FAM174C: variants seen among roughly 807,000 people sequenced by gnomAD.
FAM174C encodes the protein family with sequence similarity 174 member C.
FAM174C carries 19 observed loss-of-function variants against 12.3 expected under a neutral mutation model. The ratio of observed to expected loss-of-function variants is 1.55; its 90% CI spans 1.08 to 2.27. FAM174C has a LOEUF of 2.27. FAM174C is among the 30% of genes most tolerant of loss of function. The probability of loss-of-function intolerance (pLI) is 0.00; values close to 1 mark genes in which losing one functional copy is unlikely to be tolerated. For synonymous variants in FAM174C, 147 were observed against 103.5 expected (o/e 1.42, Z -2.55); for missense variants, 239 against 190.2 (o/e 1.26, Z -1.51).
chr19:1,275,878 C>T (rs1294656080), intron 1 of FAM174C, 48 bp downstream of exon 1: 1 of 1,509,734 alleles, frequency 6.6e-7, no homozygotes, highest in Non-Finnish European at 8.9e-7. Context: ...GGCCAATTAG[C>T]GCGCGCCTAG....
rs1228997055 is a variant in FAM174C at position 1,278,930 on chromosome 19, G to A, written c.*153G>A. On this transcript the variant is annotated 3_prime_UTR_variant, in exon 3 of 3. Coordinates refer to ENST00000409293, the MANE Select transcript of FAM174C (RefSeq NM_017914.4). ...CAGTGCCAACCCGAGAGCTCCTTTT[G>A]GAACCTGCACAGCCCGCCGACCTGT... The A allele has an allele frequency of 1.2e-6, 2 of 1,613,152 alleles. No individual in the cohort carries two copies. Among genetic ancestry groups the A allele is most frequent in the Middle Eastern group, 1.6e-4 (1 of 6,062 alleles).
At position 1,277,289 on chromosome 19, in the gene FAM174C, A is replaced by C; in HGVS notation, c.388A>C (p.Asn130His). 4 of 1,547,846 alleles carry C rather than the reference A, an allele frequency of 2.6e-6. No homozygotes were observed. The highest frequency in any genetic ancestry group is 2.6e-6 in the Non-Finnish European group (3 of 1,144,442). Residue 130 changes from asparagine (N) to histidine (H), a missense_variant, in exon 2 of 3, where the codon AAT becomes CAT. Asn to His is a moderately conservative substitution (Grantham distance 68). Transcript: ENST00000409293. Reference protein sequence around the residue: ...SDEETVFESRNLR With the variant: ...SDEETVFESRHLR ...CGAGGAGACGGTGTTTGAGTCCCGGAATCTGAGATGGTGTGCACCCTTCCC... is the reference window on the plus strand; with the variant it reads ...CGAGGAGACGGTGTTTGAGTCCCGGCATCTGAGATGGTGTGCACCCTTCCC...
In FAM174C at chr19:1,277,226, A is replaced by G; in HGVS notation, c.325A>G (p.Thr109Ala). ...QRRRYGLLAN[T>A]EDPTEMASLD... is the part of the protein sequence containing the mutation. ...GAGGCGATACGGCCTCCTCGCCAAC[A>G]CTGAGGACCCCACGGAGATGGCCTC... Residue 109 changes from threonine (T) to alanine (A), a missense_variant, in exon 2 of 3, where the codon ACT (threonine) becomes GCT (alanine). By Grantham distance (58) the Thr-to-Ala change is moderately conservative. Coordinates refer to ENST00000409293, the MANE Select transcript of FAM174C (RefSeq NM_017914.4). The G allele has an allele frequency of 6.5e-7, 1 of 1,549,694 alleles. No individual in the cohort carries two copies. Among genetic ancestry groups the G allele is most frequent in the Non-Finnish European group, 8.7e-7 (1 of 1,145,936 alleles).
rs1024599605 is a variant in FAM174C, at chr19:1,275,641, C to T, written c.92C>T (p.Pro31Leu). ...ALPCGAEEAS[P>L]LRPAQVTLSP... ...CCGTGCGGTGCCGAAGAGGCCTCGCCGCTGCGCCCCGCGCAGGTCACGTTG... is the reference window on the plus strand; with the variant it reads ...CCGTGCGGTGCCGAAGAGGCCTCGCTGCTGCGCCCCGCGCAGGTCACGTTG... Residue 31 changes from proline to leucine, a missense_variant, in exon 1 of 3, where the codon CCG becomes CTG. Physicochemically the swap from Pro to Leu is moderately conservative, Grantham distance 98. Transcript: ENST00000409293. 15 of 1,386,744 alleles carry T rather than the reference C, an allele frequency of 1.1e-5. No homozygotes were observed. Among genetic ancestry groups the T allele is most frequent in the African/African-American group, 4.6e-5 (3 of 65,032 alleles). 85.9% of individuals were successfully genotyped at this position (1,386,744 alleles called of 1,614,324 possible). A position where few individuals can be genotyped will look rare whatever the true frequency, so the allele number is the denominator to read the frequency against.
In FAM174C at chr19:1,275,830, G is replaced by A. The variant is rs939843818; in HGVS notation, c.281G>A (p.Arg94Lys). 2 of 1,536,088 alleles carry A rather than the reference G, an allele frequency of 1.3e-6. No homozygotes were observed. Among genetic ancestry groups the A allele is most frequent in the South Asian group, 1.2e-5 (1 of 84,038 alleles). ...CTCTACTTCCTGATCCGGGCGTTTA[G>A]GTGCGTCAGGCGCACGTGGGCGCCG... ...TALYFLIRAF[R>K]LKKPQRRRYG... The change falls in exon 1 of 3, where the codon AGG becomes AAG. Residue 94 changes from arginine to lysine, a missense_variant and splice_region_variant. Arg to Lys is a conservative substitution (Grantham distance 26, BLOSUM62 2). Coordinates refer to ENST00000409293, the MANE Select transcript of FAM174C (RefSeq NM_017914.4).
chr19:1,276,932 C>A, intron 1 of FAM174C: 1 of 359,382 alleles, frequency 2.8e-6, no homozygotes, highest in Non-Finnish European at 4.9e-6. Flanking sequence ...CATCAGCGTG[C>A]CTCTCCTGGG....
At chr19:1,275,901 C>A in intron 1 of FAM174C, 71 bp downstream of exon 1, 1 of 1,414,298 alleles carries the variant, frequency 7.1e-7, no homozygotes, top group South Asian at 1.2e-5. Flanking sequence ...CGTCACGTGC[C>A]GGGCCGCGGG....
chr19:1,275,611 CGCTGCCGTGCGGT>C lies in FAM174C; in HGVS notation c.65_77del (p.Leu22ProfsTer20). 7.9e-7 allele frequency: 1 copy of C among 1,258,184 alleles called. No homozygotes were observed. The highest frequency in any genetic ancestry group is 3.1e-5 in the South Asian group (1 of 32,742). 77.9% of individuals were successfully genotyped at this position (1,258,184 alleles called of 1,614,324 possible). On this transcript the variant is annotated frameshift_variant, in exon 1 of 3. Coordinates refer to ENST00000409293, the MANE Select transcript of FAM174C (RefSeq NM_017914.4). LOFTEE classifies it high-confidence loss of function. ...CTCCTGCTGGCGCTGCTGCTGGCGG[CGCTGCCGTGCGGT>C]GCCGAAGAGGCCTCGCCGCTGCGCC...
chr19:1,278,971 C>T lies in FAM174C; in HGVS notation c.*194C>T. 1 of 1,612,736 alleles carries T rather than the reference C, an allele frequency of 6.2e-7. No homozygotes were observed. Among genetic ancestry groups the T allele is most frequent in the Non-Finnish European group, 8.5e-7 (1 of 1,179,948 alleles). On this transcript the variant is annotated 3_prime_UTR_variant, in exon 3 of 3. Coordinates refer to ENST00000409293, the MANE Select transcript of FAM174C (RefSeq NM_017914.4). Reference sequence around the variant, plus strand: ...GCCGACCTGTTGCCACCTGCACCCACCGCTGGACCATGCAGCCTCGCCTCC... The same window carrying T: ...GCCGACCTGTTGCCACCTGCACCCATCGCTGGACCATGCAGCCTCGCCTCC...
In FAM174C at chr19:1,279,122, G is replaced by A. The variant is rs2081428581; in HGVS notation, c.*345G>A. On this transcript the variant is annotated 3_prime_UTR_variant, in exon 3 of 3. Coordinates refer to ENST00000409293, the MANE Select transcript of FAM174C (RefSeq NM_017914.4). Reference sequence around the variant, plus strand: ...TGTGCCTCTCTCCTGCCCCCGTGGGGACATGGCAGCCCAGAGCCAAGGCTG... The same window carrying A: ...TGTGCCTCTCTCCTGCCCCCGTGGGAACATGGCAGCCCAGAGCCAAGGCTG... 2.5e-6 allele frequency: 4 copies of A among 1,612,884 alleles called. No homozygotes were observed. Among genetic ancestry groups the A allele is most frequent in the South Asian group, 1.1e-5 (1 of 91,092 alleles).
In FAM174C at chr19:1,275,724, C is replaced by T; in HGVS notation, c.175C>T (p.His59Tyr). The change falls in exon 1 of 3, where the codon CAC becomes TAC. Residue 59 changes from histidine (H) to tyrosine (Y), a missense_variant. By Grantham distance (83) the His-to-Tyr change is moderately conservative. Coordinates refer to ENST00000409293, the MANE Select transcript of FAM174C (RefSeq NM_017914.4). ...GCCGGGCGCGCCACACAACAGCACG[C>T]ACACGCGTCCGCCGGGGGCGTCGGG... ...SQPGAPHNST[H>Y]TRPPGASGSA... 6.5e-7 allele frequency: 1 copy of T among 1,533,150 alleles called. No homozygotes were observed. The highest frequency in any genetic ancestry group is 8.7e-7 in the Non-Finnish European group (1 of 1,144,048). 95.0% of individuals were successfully genotyped at this position (1,533,150 alleles called of 1,614,324 possible). A position where few individuals can be genotyped will look rare whatever the true frequency, so the allele number is the denominator to read the frequency against.
At chr19:1,277,682 C>T (rs376399327) in intron 2 of FAM174C, among the ~76,000 whole-genome samples, 1 of 152,092 alleles carries the variant, frequency 6.6e-6, no homozygotes, top group African/African-American at 2.4e-5. Context: ...CCATGTTGGC[C>T]AGGCTGGGTT....
In FAM174C at chr19:1,275,651, C is replaced by G. The variant is rs1028582151; in HGVS notation, c.102C>G (p.Pro34=). ...CGAEEASPLR[P]AQVTLSPPPA... ...CCGAAGAGGCCTCGCCGCTGCGCCC[C>G]GCGCAGGTCACGTTGTCGCCGCCGC... The change falls in exon 1 of 3, where the codon CCC becomes CCG. Residue 34 remains proline, a synonymous_variant. Coordinates refer to ENST00000409293, the MANE Select transcript of FAM174C (RefSeq NM_017914.4). The G allele has an allele frequency of 7.1e-7, 1 of 1,403,666 alleles. No individual in the cohort carries two copies. The highest frequency in any genetic ancestry group is 9.2e-7 in the Non-Finnish European group (1 of 1,092,206). The allele number at this position is 1,403,666 out of a possible 1,614,324, so 87.0% of individuals were successfully genotyped here. A position where few individuals can be genotyped will look rare whatever the true frequency, so the allele number is the denominator to read the frequency against.
At chr19:1,278,600 G>A (rs571439582) in intron 2 of FAM174C, among the ~76,000 whole-genome samples, 177 bp from the exon 3 acceptor site, 1 of 88,750 alleles carries the variant, frequency 1.1e-5, no homozygotes, top group Admixed American at 1.4e-4. Context: ...TTCCCCCGGA[G>A]TGGGCAGTTG....
chr19:1,276,048 T>TGGA (rs2081412928), intron 1 of FAM174C: 1 of 545,048 alleles, frequency 1.8e-6, no homozygotes, highest in Non-Finnish European at 3.2e-6. Flanking sequence ...CGCCTGGGGT[T>TGGA]GGAGGTGCCC....
intron 2 of FAM174C, among the ~76,000 whole-genome samples, chr19:1,278,303 G>A (rs992680546): frequency 9.9e-5 from 15 of 152,222 alleles, no homozygotes; most frequent in Admixed American, 9.8e-4. Flanking sequence ...CGCAGATGCC[G>A]GGCGGGACTG....
chr19:1,277,226 A>C lies in FAM174C; in HGVS notation c.325A>C (p.Thr109Pro). Reference sequence around the variant, plus strand: ...GAGGCGATACGGCCTCCTCGCCAACACTGAGGACCCCACGGAGATGGCCTC... The same window carrying C: ...GAGGCGATACGGCCTCCTCGCCAACCCTGAGGACCCCACGGAGATGGCCTC... ...QRRRYGLLANTEDPTEMASLD... is the reference protein window; with the variant it reads ...QRRRYGLLANPEDPTEMASLD... Residue 109 changes from threonine (T) to proline (P), a missense_variant, in exon 2 of 3, where the codon ACT becomes CCT. Coordinates refer to ENST00000409293, the MANE Select transcript of FAM174C (RefSeq NM_017914.4). 1 of 1,549,694 alleles carries C rather than the reference A, an allele frequency of 6.5e-7. No individual in the cohort carries two copies. The highest frequency in any genetic ancestry group is 8.7e-7 in the Non-Finnish European group (1 of 1,145,936).
chr19:1,275,916 TC>T, intron 1 of FAM174C, 86 bp downstream of exon 1: 1 of 1,182,036 alleles, frequency 8.5e-7, no homozygotes, highest in Non-Finnish European at 1.2e-6. Context: ...CGCGGGGTCC[TC>T]CCCTCCCTCC....
Position 1,277,252 on chromosome 19 carries a change from G to A in FAM174C, c.351G>A (p.Ser117=), listed in dbSNP as rs553277632. ...CTGAGGACCCCACGGAGATGGCCTC[G>A]CTGGACAGCGACGAGGAGACGGTGT... ...ANTEDPTEMA[S]LDSDEETVFE... Residue 117 remains serine, a synonymous_variant, in exon 2 of 3, where the codon TCG becomes TCA. Coordinates refer to ENST00000409293, the MANE Select transcript of FAM174C (RefSeq NM_017914.4). 10 of 1,549,572 alleles carry A rather than the reference G, an allele frequency of 6.5e-6. No individual in the cohort carries two copies. The African/African-American group carries it at 6.8e-5, about 11-fold the overall frequency.
Sources: allele counts gnomAD v4.1 joint callset (sites outside exome capture counted in the v4.1 genomes callset), GRCh38; gene constraint gnomAD v4.1.1; transcripts MANE v1.5; gene names NCBI Gene and HGNC (gene_info 2026-07-23, HGNC 2026-07-21).